DCBLD2: variants seen among roughly 807,000 people sequenced by gnomAD.
DCBLD2 encodes the protein discoidin, CUB and LCCL domain-containing protein 2.
Under a neutral mutation model 86.8 loss-of-function variants are expected in DCBLD2, and 54 were observed. That is an observed-to-expected ratio of 0.62 (90% CI 0.50 to 0.78). The LOEUF is 0.78. DCBLD2 is among the 30% of genes least tolerant of loss of function. The pLI, the probability that DCBLD2 is intolerant of heterozygous loss-of-function variation, is 0.00. For missense variants in DCBLD2, 908 were observed against 954.2 expected, an observed-to-expected ratio of 0.95 and a Z score of 0.64; for synonymous variants, 354 against 341.3, an observed-to-expected ratio of 1.04 and a Z score of -0.41.
rs1553727568 is a variant in DCBLD2 at position 98,844,034 on chromosome 3, G to GCGCACACACA, written c.571+5426_571+5427insTGTGTGTGCG. On this transcript the variant is annotated intron_variant, in intron 3 of 15. Transcript: ENST00000326840. ...GGATCACCACTTTCCAATCATGCAT[G>GCGCACACACA]CACACACACACACACACACACACAC... Among the ~76,000 whole-genome samples the GCGCACACACA allele has an allele frequency of 2.1e-5, 3 of 145,526 alleles. No homozygotes were observed. The Admixed American group carries it at 2.1e-4, about 10-fold the overall frequency.
intron 2 of DCBLD2, among the ~76,000 whole-genome samples, chr3:98,864,619 G>C (rs1015427363): frequency 6.6e-6 from 1 of 151,938 alleles, no homozygotes; most frequent in Non-Finnish European, 1.5e-5. Context: ...AAACCAAACA[G>C]CGCATGTTCT....
chr3:98,839,159 CTTTCTT>C (rs1559781512), intron 3 of DCBLD2, among the ~76,000 whole-genome samples: 56 of 97,762 alleles, frequency 5.7e-4, no homozygotes, highest in African/African-American at 1.4e-3. Context: ...TTCTTTCTTT[CTTTCTT>C]TCTTTCCTTT....
intron 13 of DCBLD2, 153 bp from the exon 14 acceptor site, chr3:98,801,802 G>A (rs977827889): frequency 2.4e-5 from 13 of 538,072 alleles, no homozygotes; most frequent in Middle Eastern, 4.1e-4. Flanking sequence ...GAGAACATGC[G>A]GTGTTTGGTT....
At chr3:98,897,455 G>C (rs1216451447) in intron 1 of DCBLD2, among the ~76,000 whole-genome samples, 2 of 152,088 alleles carry the variant, frequency 1.3e-5, no homozygotes, top group Non-Finnish European at 2.9e-5. Flanking sequence ...ACAAAGAAAA[G>C]ACAATGGAAA....
intron 1 of DCBLD2, among the ~76,000 whole-genome samples, chr3:98,897,835 T>C (rs1943776838): frequency 6.6e-6 from 1 of 152,206 alleles, no homozygotes; most frequent in East Asian, 1.9e-4. Flanking sequence ...ACCAAGAAAG[T>C]AGGCAAGCCT....
intron 13 of DCBLD2, 189 bp from the exon 14 acceptor site, chr3:98,801,838 G>C: frequency 2.1e-6 from 1 of 473,986 alleles, no homozygotes; most frequent in Non-Finnish European, 3.8e-6. Context: ...AGTTTGCTGA[G>C]AATGATGGTT....
At chr3:98,817,715 G>A in intron 9 of DCBLD2, 54 bp downstream of exon 9, 1 of 1,575,484 alleles carries the variant, frequency 6.3e-7, no homozygotes. Flanking sequence ...TCTGTGACTT[G>A]GCAACCACCC....
chr3:98,873,112 G>C (rs1009050152), intron 2 of DCBLD2, among the ~76,000 whole-genome samples: 1 of 152,008 alleles, frequency 6.6e-6, no homozygotes, highest in African/African-American at 2.4e-5. Flanking sequence ...AAACTAAAAA[G>C]TAATATATGA....
intron 13 of DCBLD2, chr3:98,804,902 TGA>T (rs1941801046): frequency 6.6e-6 from 1 of 152,324 alleles, no homozygotes; most frequent in Non-Finnish European, 1.5e-5. Flanking sequence ...AACTGTGGTC[TGA>T]GAGACAGTTT....
intron 13 of DCBLD2, 55 bp downstream of exon 13, chr3:98,808,026 G>C (rs1308124677): frequency 5.2e-5 from 67 of 1,294,006 alleles, no homozygotes; most frequent in Non-Finnish European, 6.6e-5. Flanking sequence ...TCTATATTTA[G>C]CTTCTACTTC....
chr3:98,898,193 T>C (rs1943784298), intron 1 of DCBLD2, among the ~76,000 whole-genome samples: 1 of 151,934 alleles, frequency 6.6e-6, no homozygotes, highest in African/African-American at 2.4e-5. Context: ...TTAAAATACA[T>C]CTGTTGTGAA....
intron 3 of DCBLD2, among the ~76,000 whole-genome samples, chr3:98,834,545 A>G (rs1171698399): frequency 4.6e-5 from 7 of 152,140 alleles, no homozygotes; most frequent in African/African-American, 1.7e-4. Context: ...GAGTGAGAAC[A>G]TGTGATATTT....
At chr3:98,900,989 T>G in intron 1 of DCBLD2, 133 bp downstream of exon 1, 1 of 1,454,612 alleles carries the variant, frequency 6.9e-7, no homozygotes, top group Non-Finnish European at 9.2e-7. Context: ...ACCCCGTGAG[T>G]ACCCAGCCAG....
chr3:98,824,598 C>T (rs948423327), intron 4 of DCBLD2, among the ~76,000 whole-genome samples: 4 of 152,004 alleles, frequency 2.6e-5, no homozygotes, highest in African/African-American at 9.7e-5. Context: ...ATCTGCCAAG[C>T]AGAGGAGGCA....
intron 2 of DCBLD2, among the ~76,000 whole-genome samples, chr3:98,858,025 C>T (rs566980714): frequency 2.0e-5 from 3 of 152,340 alleles, no homozygotes; most frequent in South Asian, 2.1e-4. Flanking sequence ...GAGCAGGGGG[C>T]GGTGCTCGTC....
At chr3:98,886,386 C>A (rs1315964520) in intron 1 of DCBLD2, among the ~76,000 whole-genome samples, 2 of 151,898 alleles carry the variant, frequency 1.3e-5, no homozygotes, top group Non-Finnish European at 2.9e-5. Context: ...CAGGCTACAC[C>A]ACCTACTATT....
intron 6 of DCBLD2, 185 bp downstream of exon 6, chr3:98,822,043 T>C: frequency 1.3e-6 from 1 of 767,142 alleles, no homozygotes; most frequent in Non-Finnish European, 2.3e-6. Context: ...CGAAACTCTG[T>C]CTCAAACAAA....
intron 3 of DCBLD2, among the ~76,000 whole-genome samples, chr3:98,836,974 C>T (rs1431103673): frequency 1.2e-5 from 1 of 86,808 alleles, no homozygotes; most frequent in Admixed American, 9.9e-5. Context: ...AGAGGGGCTC[C>T]TCACTTCCCA....
chr3:98,858,374 A>G (rs1365408770), intron 2 of DCBLD2, among the ~76,000 whole-genome samples: 1 of 152,228 alleles, frequency 6.6e-6, no homozygotes, highest in East Asian at 1.9e-4. Context: ...GGGCTCCCAC[A>G]GTGCAGCAGC....
Sources: allele counts gnomAD v4.1 joint callset (sites outside exome capture counted in the v4.1 genomes callset), GRCh38; gene constraint gnomAD v4.1.1; transcripts MANE v1.5; gene names NCBI Gene and HGNC (gene_info 2026-07-23, HGNC 2026-07-21).